Variants in NFAM1 observed in about 807,000 individuals in gnomAD.
NFAM1 encodes the protein NFAT activating protein with ITAM motif 1, also known as NFAT activation molecule 1.
Under a neutral mutation model 29.0 loss-of-function variants are expected in NFAM1, and 17 were observed. That is an observed-to-expected ratio of 0.59 (90% CI 0.40 to 0.88). NFAM1 has a LOEUF of 0.88. Ranked by LOEUF, NFAM1 falls within the 40% of genes least tolerant of loss-of-function variation. The probability of loss-of-function intolerance (pLI) is 0.00; values close to 1 mark genes in which losing one functional copy is unlikely to be tolerated. For missense variants in NFAM1, 324 were observed against 344.6 expected (o/e 0.94, Z 0.47); for synonymous variants, 175 against 147.2 (o/e 1.19, Z -1.36).
At chr22:42,413,147 G>A (rs1297912476) in intron 1 of NFAM1, among the ~76,000 whole-genome samples, 1 of 152,234 alleles carries the variant, frequency 6.6e-6, no homozygotes, top group East Asian at 1.9e-4. Flanking sequence ...GTTCTAAATT[G>A]AGGTCGGCAG....
intron 3 of NFAM1, among the ~76,000 whole-genome samples, chr22:42,408,806 G>A (rs556504211): frequency 8.5e-5 from 13 of 152,324 alleles, no homozygotes; most frequent in African/African-American, 1.9e-4. Context: ...AGCAGGAGCC[G>A]TCCAGGTGAG....
At chr22:42,408,958 T>TGGAGGGTGTTTG (rs903730173) in intron 3 of NFAM1, among the ~76,000 whole-genome samples, 9 of 151,978 alleles carry the variant, frequency 5.9e-5, no homozygotes, top group Non-Finnish European at 7.4e-5. Flanking sequence ...GGAGCTATGC[T>TGGAGGGTGTTTG]GGAGGGTGTT....
intron 1 of NFAM1, among the ~76,000 whole-genome samples, chr22:42,429,460 A>G (rs1337127626): frequency 6.6e-6 from 1 of 152,078 alleles, no homozygotes. Flanking sequence ...TACTAAAAAT[A>G]CAGAAATTAG....
At chr22:42,418,108 G>T (rs1227406867) in intron 1 of NFAM1, among the ~76,000 whole-genome samples, 1 of 152,206 alleles carries the variant, frequency 6.6e-6, no homozygotes, top group African/African-American at 2.4e-5. Flanking sequence ...CTTGGGCCTG[G>T]CCAGAAATAG....
chr22:42,392,714 C>T (rs1929384910), intron 4 of NFAM1, among the ~76,000 whole-genome samples: 2 of 152,150 alleles, frequency 1.3e-5, no homozygotes, highest in Non-Finnish European at 1.5e-5. Context: ...GAACAAGGCT[C>T]GGATGGGGGT....
Position 42,403,119 on chromosome 22 carries a change from G to A in NFAM1, c.565-5163C>T, listed in dbSNP as rs535573974. Among the ~76,000 whole-genome samples the A allele has an allele frequency of 3.3e-5, 5 of 151,462 alleles. No homozygotes were observed. The South Asian group carries it at 6.3e-4, about 19-fold the overall frequency. On this transcript the variant is annotated intron_variant, in intron 3 of 5. Coordinates refer to ENST00000329021, the MANE Select transcript of NFAM1 (RefSeq NM_145912.8). ...CCCAAAGTGTTGGGATTATAGTCGT[G>A]AGCCACCACGCCCGGCCCCCTCTGT...
intron 4 of NFAM1, among the ~76,000 whole-genome samples, chr22:42,391,128 T>C (rs868036996): frequency 1.3e-5 from 2 of 152,196 alleles, no homozygotes; most frequent in Non-Finnish European, 2.9e-5. Flanking sequence ...GTTTAGGGGC[T>C]TCCTTCCCTT....
intron 1 of NFAM1, among the ~76,000 whole-genome samples, chr22:42,427,664 A>C (rs1930666296): frequency 6.6e-6 from 1 of 152,220 alleles, no homozygotes; most frequent in South Asian, 2.1e-4. Context: ...ATAGCAACAA[A>C]ACGAACTTCA....
At chr22:42,423,665 G>A (rs755664705) in intron 1 of NFAM1, among the ~76,000 whole-genome samples, 4 of 151,990 alleles carry the variant, frequency 2.6e-5, no homozygotes, top group Non-Finnish European at 4.4e-5. Context: ...GCTGCAGTGA[G>A]CCATGACTGT....
At chr22:42,425,687 C>A (rs1930599585) in intron 1 of NFAM1, among the ~76,000 whole-genome samples, 1 of 152,160 alleles carries the variant, frequency 6.6e-6, no homozygotes, top group Non-Finnish European at 1.5e-5. Flanking sequence ...CCCTGCAGAC[C>A]CTCTCTCTTT....
Position 42,417,054 on chromosome 22 carries a change from C to T in NFAM1, c.122-5318G>A, listed in dbSNP as rs79245912. Among the ~76,000 whole-genome samples, 4 of 152,296 alleles carry T rather than the reference C, an allele frequency of 2.6e-5. No individual in the cohort carries two copies. In the East Asian group the frequency reaches 7.7e-4, roughly 29 times the overall value. On this transcript the variant is annotated intron_variant, in intron 1 of 5. Coordinates refer to ENST00000329021, the MANE Select transcript of NFAM1 (RefSeq NM_145912.8). ...CAAGCACGCAGAGCCCAGGGCCAGC[C>T]TCCCCCGCACCTGACAAGGCAGGTC...
At chr22:42,426,800 C>T (rs112339720) in intron 1 of NFAM1, among the ~76,000 whole-genome samples, 38 of 152,256 alleles carry the variant, frequency 2.5e-4, no homozygotes, top group African/African-American at 9.1e-4. Context: ...GATCCACGAC[C>T]CATGACTCAC....
intron 3 of NFAM1, 68 bp from the exon 4 acceptor site, chr22:42,398,024 A>G: frequency 1.3e-6 from 1 of 793,752 alleles, no homozygotes; most frequent in South Asian, 1.7e-5. Context: ...CAGACCCCCC[A>G]GGGGAAAGGA....
chr22:42,413,605 G>A (rs1261741306), intron 1 of NFAM1, among the ~76,000 whole-genome samples: 2 of 151,744 alleles, frequency 1.3e-5, no homozygotes, highest in African/African-American at 2.4e-5. Flanking sequence ...GTGAAACCCC[G>A]CCTCTACTAA....
chr22:42,429,530 C>A (rs567361997), intron 1 of NFAM1, among the ~76,000 whole-genome samples: 12 of 152,286 alleles, frequency 7.9e-5, no homozygotes, highest in African/African-American at 2.6e-4. Context: ...GCAGGAGAAT[C>A]GCTTGAACCT....
intron 4 of NFAM1, among the ~76,000 whole-genome samples, chr22:42,389,421 C>T (rs375716465): frequency 7.2e-5 from 11 of 152,262 alleles, no homozygotes; most frequent in Admixed American, 4.6e-4. Context: ...AGTCCTGACC[C>T]GCTGGGTGCA....
chr22:42,400,146 C>T (rs57436577), intron 3 of NFAM1, among the ~76,000 whole-genome samples: 4,276 of 152,300 alleles, frequency 0.028, 205 homozygotes, highest in African/African-American at 0.099. Flanking sequence ...AAGATATTGA[C>T]GAGACAGGAG....
intron 3 of NFAM1, among the ~76,000 whole-genome samples, chr22:42,408,679 C>A (rs1929978408): frequency 1.3e-5 from 2 of 152,218 alleles, no homozygotes; most frequent in African/African-American, 4.8e-5. Context: ...GCACTTGCTG[C>A]CAGGCAGGGA....
At chr22:42,404,451 G>A (rs958814526) in intron 3 of NFAM1, among the ~76,000 whole-genome samples, 4 of 152,084 alleles carry the variant, frequency 2.6e-5, no homozygotes, top group Non-Finnish European at 5.9e-5. Flanking sequence ...CGAACCAGGG[G>A]CTCCCAGGGC....
Sources: gnomAD v4.1 joint callset for allele counts (sites outside exome capture counted in the v4.1 genomes callset) on GRCh38, gnomAD v4.1.1 for gene constraint, MANE v1.5 for transcripts, NCBI Gene and HGNC (gene_info 2026-07-23, HGNC 2026-07-21) for gene names.